PRKX: variants seen among roughly 807,000 people sequenced by gnomAD.
PRKX encodes the protein protein kinase cAMP-dependent X-linked catalytic subunit.
A neutral mutation model predicts 22.0 loss-of-function variants in PRKX; 12 were observed. The ratio of observed to expected loss-of-function variants is 0.54; its 90% CI spans 0.35 to 0.88. The LOEUF (loss-of-function observed/expected upper bound fraction) is 0.88. PRKX is among the 40% of genes least tolerant of loss of function. The pLI is 0.01. For missense variants in PRKX, 217 were observed against 308.0 expected, an observed-to-expected ratio of 0.70 and a Z score of 2.21; for synonymous variants, 134 against 137.7, an observed-to-expected ratio of 0.97 and a Z score of 0.19.
rs111426331 is a variant in PRKX, at chrX:3,609,183, C to T, written c.*24-238G>A. Among the ~76,000 whole-genome samples, 687 of 111,765 alleles carry T rather than the reference C, an allele frequency of 6.1e-3. 5 individuals are homozygous for T. Among genetic ancestry groups the T allele is most frequent in the Non-Finnish European group, 9.1e-3 (481 of 53,133 alleles). On this transcript the variant is annotated intron_variant, in intron 8 of 8. Transcript: ENST00000262848. ...GTTTTTTTGGTTTGTTTGTTTGAGA[C>T]GGAGTCTTGCTCTTGTTGCCCAGGC...
At chrX:3,631,831 G>A (rs1283691388) in intron 4 of PRKX, among the ~76,000 whole-genome samples, 1 of 112,703 alleles carries the variant, frequency 8.9e-6, no homozygotes, top group Non-Finnish European at 1.9e-5. Context: ...TCCTTCCCTG[G>A]AGTACAGTCC....
chrX:3,668,593 A>G (rs755015970), intron 2 of PRKX, among the ~76,000 whole-genome samples: 7 of 112,108 alleles, frequency 6.2e-5, no homozygotes, highest in African/African-American at 2.3e-4. Flanking sequence ...ACTCCTCTCC[A>G]TGGAGAAACG....
intron 1 of PRKX, among the ~76,000 whole-genome samples, chrX:3,705,121 G>T (rs1928656420): frequency 9.0e-6 from 1 of 111,607 alleles, no homozygotes. Flanking sequence ...GCAGACTGGG[G>T]CTTAGAAACA....
intron 4 of PRKX, among the ~76,000 whole-genome samples, chrX:3,639,576 G>C (rs1204960064): frequency 1.0e-5 from 1 of 98,880 alleles, no homozygotes; most frequent in Non-Finnish European, 2.0e-5. Flanking sequence ...TGGGGGGTAG[G>C]TGGGTGGATG....
At chrX:3,656,964 G>A (rs1927494429) in intron 2 of PRKX, among the ~76,000 whole-genome samples, 1 of 111,791 alleles carries the variant, frequency 8.9e-6, no homozygotes, top group Non-Finnish European at 1.9e-5. Context: ...AAGGGGAAAC[G>A]GGCTCCCTCA....
At position 3,607,481 on chromosome X, in the gene PRKX, C is replaced by T. The variant is rs1365530288; in HGVS notation, c.*1488G>A. 1 of 111,547 alleles carries T rather than the reference C, an allele frequency of 9.0e-6. No individual in the cohort carries two copies. Among genetic ancestry groups the T allele is most frequent in the Non-Finnish European group, 1.9e-5 (1 of 53,154 alleles). 9.2% of individuals were successfully genotyped at this position (111,547 alleles called of 1,213,427 possible). On this transcript the variant is annotated 3_prime_UTR_variant, in exon 9 of 9. Coordinates refer to ENST00000262848, the MANE Select transcript of PRKX (RefSeq NM_005044.5). ...CAGGATGGTGAGTGAGAAGCACAGG[C>T]TGAAAATAGAGTTGTCTAAAACATT...
chrX:3,623,151 CGTGT>C lies in PRKX; in HGVS notation c.816-1839_816-1836del, dbSNP rs60593114. Among the ~76,000 whole-genome samples, 390 of 96,022 alleles carry C rather than the reference CGTGT, an allele frequency of 4.1e-3. 2 individuals are homozygous for C. The highest frequency in any genetic ancestry group is 7.1e-3 in the African/African-American group (182 of 25,808). The allele number at this position is 96,022 out of a possible 115,157, so 83.4% of individuals were successfully genotyped here. On this transcript the variant is annotated intron_variant, in intron 5 of 8. Transcript: ENST00000262848. ...TTGGTGATCACCTGATAAATTTCAA[CGTGT>C]GTGTGTGTGTGTGTGTGTGTGTGTG...
In PRKX at chrX:3,632,527, A is replaced by G. The variant is rs1318006924; in HGVS notation, c.720-6013T>C. On this transcript the variant is annotated intron_variant, in intron 4 of 8. Transcript: ENST00000262848. ...ATTAAACTCCAGGAGGAAATGTGCCATACATACCTAAAAACATTTATGGAG... is the reference window on the plus strand; with the variant it reads ...ATTAAACTCCAGGAGGAAATGTGCCGTACATACCTAAAAACATTTATGGAG... 2.7e-5 allele frequency among the ~76,000 whole-genome samples: 3 copies of G among 112,311 alleles called. No homozygotes were observed. The East Asian group carries it at 8.4e-4, about 31-fold the overall frequency.
rs1428980833 is a variant in PRKX at position 3,642,118 on chromosome X, G to C, written c.600-147C>G. The C allele has an allele frequency of 1.6e-5, 11 of 708,647 alleles. No individual in the cohort carries two copies. The East Asian group carries it at 3.5e-4, about 23-fold the overall frequency. 58.4% of individuals were successfully genotyped at this position (708,647 alleles called of 1,213,427 possible). A position where few individuals can be genotyped will look rare whatever the true frequency, so the allele number is the denominator to read the frequency against. On this transcript the variant is annotated intron_variant, in intron 3 of 8. Coordinates refer to ENST00000262848, the MANE Select transcript of PRKX (RefSeq NM_005044.5). ...CTGTGCACATATTTTAATGTGTAAA[G>C]ACAGTAACATTGTTTTCGCTGATTC...
intron 1 of PRKX, among the ~76,000 whole-genome samples, chrX:3,707,613 C>T (rs1013681685): frequency 9.1e-6 from 1 of 110,209 alleles, no homozygotes; most frequent in African/African-American, 3.4e-5. Flanking sequence ...AAGTCCTGCA[C>T]ATGTATCTTA....
At chrX:3,637,337 G>A (rs932201163) in intron 4 of PRKX, among the ~76,000 whole-genome samples, 2 of 111,423 alleles carry the variant, frequency 1.8e-5, no homozygotes, top group African/African-American at 6.5e-5. Flanking sequence ...CCAGTCATCC[G>A]GGAAGCAACA....
At chrX:3,633,061 T>C (rs1461873534) in intron 4 of PRKX, among the ~76,000 whole-genome samples, 1 of 109,211 alleles carries the variant, frequency 9.2e-6, no homozygotes, top group African/African-American at 3.3e-5. Flanking sequence ...CTACAAAAAA[T>C]TTAAAAATTA....
At chrX:3,639,153 A>G (rs1926971939) in intron 4 of PRKX, among the ~76,000 whole-genome samples, 1 of 23,774 alleles carries the variant, frequency 4.2e-5, no homozygotes. Flanking sequence ...GGGTGGGTGG[A>G]TGGATGGATG....
chrX:3,636,729 G>A lies in PRKX; in HGVS notation c.719+5123C>T, dbSNP rs754489009. ...ACAAAAATTAGCTGGGCGTGGTGGC[G>A]CACACCTGTAATCCCAGCTACTCAG... On this transcript the variant is annotated intron_variant, in intron 4 of 8. Transcript: ENST00000262848. Among the ~76,000 whole-genome samples, 15 of 111,822 alleles carry A rather than the reference G, an allele frequency of 1.3e-4. No homozygotes were observed. The East Asian group carries it at 2.0e-3, about 15-fold the overall frequency.
At chrX:3,642,624 T>TTAAA (rs1295977568) in intron 3 of PRKX, among the ~76,000 whole-genome samples, 6 of 110,810 alleles carry the variant, frequency 5.4e-5, no homozygotes, top group African/African-American at 1.3e-4. Context: ...TAAAAGTTCT[T>TTAAA]TAAATAAATA....
intron 4 of PRKX, among the ~76,000 whole-genome samples, chrX:3,635,170 G>A (rs745560198): frequency 1.8e-5 from 2 of 112,009 alleles, no homozygotes; most frequent in Admixed American, 1.9e-4. Context: ...GCGGACAGCT[G>A]TAACACACAG....
chrX:3,657,783 A>G (rs1255301895), intron 2 of PRKX, among the ~76,000 whole-genome samples: 1 of 111,916 alleles, frequency 8.9e-6, no homozygotes, highest in East Asian at 2.8e-4. Context: ...GATTAATGGA[A>G]GAAAACGCAG....
intron 6 of PRKX, among the ~76,000 whole-genome samples, chrX:3,617,751 T>G (rs1465989395): frequency 9.0e-6 from 1 of 111,117 alleles, no homozygotes; most frequent in East Asian, 2.8e-4. Context: ...GTGTTGCTCC[T>G]GTAAGATTAT....
intron 2 of PRKX, among the ~76,000 whole-genome samples, chrX:3,658,126 G>C (rs1455955590): frequency 1.8e-5 from 2 of 110,241 alleles, no homozygotes; most frequent in Non-Finnish European, 3.8e-5. Context: ...AAGTAGTTGG[G>C]ATTATAGGCG....
Sources: gnomAD v4.1 joint callset for allele counts (sites outside exome capture counted in the v4.1 genomes callset) on GRCh38, gnomAD v4.1.1 for gene constraint, MANE v1.5 for transcripts, NCBI Gene and HGNC (gene_info 2026-07-23, HGNC 2026-07-21) for gene names.